GPC5: variants seen among roughly 807,000 people sequenced by gnomAD.
GPC5 encodes the protein glypican 5.
In GPC5, 47 loss-of-function variants were observed where a neutral mutation model predicts 53.9. That is an observed-to-expected ratio of 0.87 (90% confidence interval 0.69 to 1.11). The LOEUF (loss-of-function observed/expected upper bound fraction) is 1.11, where lower values mean the gene tolerates loss of function less well. GPC5 is among the 50% of genes most tolerant of loss of function. The probability of loss-of-function intolerance (pLI) is 0.00; values close to 1 mark genes in which losing one functional copy is unlikely to be tolerated. For missense variants in GPC5, 748 were observed against 713.1 expected, an observed-to-expected ratio of 1.05 and a Z score of -0.56; for synonymous variants, 286 against 263.3, an observed-to-expected ratio of 1.09 and a Z score of -0.84.
At position 91,609,883 on chromosome 13, in the gene GPC5, C is replaced by T. The variant is rs75039696; in HGVS notation, c.326-83304C>T. Among the ~76,000 whole-genome samples the T allele has an allele frequency of 6.8e-3, 1,030 of 152,286 alleles. 8 individuals are homozygous for T. The highest frequency in any genetic ancestry group is 0.024 in the African/African-American group (987 of 41,558). ...CAGGATGTTACATTATCAGTACATT[C>T]GGCCTGAGAATTGCTAAGGAAAGGG... On this transcript the variant is annotated intron_variant, in intron 2 of 7. Coordinates refer to ENST00000377067, the MANE Select transcript of GPC5 (RefSeq NM_004466.6).
At chr13:91,898,911 G>A (rs1161820363) in intron 5 of GPC5, among the ~76,000 whole-genome samples, 1 of 152,118 alleles carries the variant, frequency 6.6e-6, no homozygotes, top group Non-Finnish European at 1.5e-5. Context: ...AAACAGAAGA[G>A]CTGAATTATT....
intron 7 of GPC5, among the ~76,000 whole-genome samples, chr13:92,346,520 C>T (rs1027216180): frequency 2.0e-5 from 3 of 152,128 alleles, no homozygotes; most frequent in Non-Finnish European, 2.9e-5. Context: ...CACCAACTGG[C>T]CTTTCCAGAG....
chr13:92,461,121 A>G (rs1398647877), intron 7 of GPC5, among the ~76,000 whole-genome samples: 1 of 152,214 alleles, frequency 6.6e-6, no homozygotes, highest in African/African-American at 2.4e-5. Flanking sequence ...AATCCTGTAA[A>G]CTTTCTATTT....
chr13:92,507,295 T>TTA lies in GPC5; in HGVS notation c.1562-358986_1562-358985dup, dbSNP rs750535116. Among the ~76,000 whole-genome samples the TTA allele has an allele frequency of 1.8e-3, 267 of 152,336 alleles. 1 individual carries two copies. The highest frequency in any genetic ancestry group is 2.6e-3 in the Non-Finnish European group (179 of 68,034). On this transcript the variant is annotated intron_variant, in intron 7 of 7. Coordinates refer to ENST00000377067, the MANE Select transcript of GPC5 (RefSeq NM_004466.6). ...TCACAAGGAATTTTTTCTCATCTAT[T>TTA]TACATTTTTACTTTTTTCTCTTGCC... is the stretch of plus-strand genomic sequence containing the variant.
At chr13:92,830,973 A>G (rs1878026387) in intron 7 of GPC5, among the ~76,000 whole-genome samples, 1 of 152,178 alleles carries the variant, frequency 6.6e-6, no homozygotes, top group African/African-American at 2.4e-5. Flanking sequence ...GTTTCAAAGT[A>G]GATCTGTTTG....
At chr13:91,555,753 G>A (rs903798088) in intron 2 of GPC5, among the ~76,000 whole-genome samples, 1 of 151,998 alleles carries the variant, frequency 6.6e-6, no homozygotes, top group African/African-American at 2.4e-5. Context: ...AGGCAAAGGA[G>A]GAGCAAAGTC....
chr13:91,449,949 T>C (rs1249835357), intron 2 of GPC5, among the ~76,000 whole-genome samples: 1 of 152,176 alleles, frequency 6.6e-6, no homozygotes, highest in African/African-American at 2.4e-5. Context: ...ATATAACTTC[T>C]GTTAGTATTC....
chr13:91,653,745 G>A (rs944512101), intron 2 of GPC5, among the ~76,000 whole-genome samples: 2 of 152,050 alleles, frequency 1.3e-5, no homozygotes, highest in Admixed American at 6.6e-5. Context: ...TCATAGGCAA[G>A]TTATGATTAA....
intron 2 of GPC5, among the ~76,000 whole-genome samples, chr13:91,491,895 C>T (rs1180195371): frequency 4.6e-5 from 7 of 152,188 alleles, no homozygotes; most frequent in Non-Finnish European, 7.4e-5. Flanking sequence ...AATAAAGTCA[C>T]GCTCACAGGT....
At chr13:91,736,768 A>G (rs2036824415) in intron 4 of GPC5, among the ~76,000 whole-genome samples, 1 of 151,378 alleles carries the variant, frequency 6.6e-6, no homozygotes, top group African/African-American at 2.5e-5. Flanking sequence ...ATTTAGTTGT[A>G]GATCTAATTG....
At chr13:91,805,888 C>T (rs1178295347) in intron 5 of GPC5, among the ~76,000 whole-genome samples, 9 of 152,042 alleles carry the variant, frequency 5.9e-5, no homozygotes, top group Non-Finnish European at 1.3e-4. Context: ...TTTGCAAGCT[C>T]AAGCAAAACA....
chr13:92,746,479 G>A (rs1223346235), intron 7 of GPC5, among the ~76,000 whole-genome samples: 1 of 152,058 alleles, frequency 6.6e-6, no homozygotes, highest in Non-Finnish European at 1.5e-5. Flanking sequence ...TGAGCATGAT[G>A]CATCTTCTCA....
intron 2 of GPC5, among the ~76,000 whole-genome samples, chr13:91,539,977 A>G (rs2029870055): frequency 6.6e-6 from 1 of 152,232 alleles, no homozygotes; most frequent in Admixed American, 6.5e-5. Flanking sequence ...CATGTATTAC[A>G]TGCTCCAAGT....
chr13:92,132,189 T>C (rs2041749802), intron 6 of GPC5, among the ~76,000 whole-genome samples: 1 of 152,152 alleles, frequency 6.6e-6, no homozygotes, highest in Non-Finnish European at 1.5e-5. Context: ...AAGAGTGTTA[T>C]ATTTGGTGGA....
rs372291455 is a variant in GPC5 at position 92,149,039 on chromosome 13, T to C, written c.1561+4050T>C. Among the ~76,000 whole-genome samples the C allele has an allele frequency of 1.3e-4, 20 of 152,160 alleles. No homozygotes were observed. The South Asian group carries it at 4.1e-3, about 32-fold the overall frequency. ...AATACATAATCCATGATCAAATTCA[T>C]TTTGGCAAGCTGGTTCACAGTGGTA... is the stretch of plus-strand genomic sequence containing the variant. On this transcript the variant is annotated intron_variant, in intron 7 of 7. Transcript: ENST00000377067.
At chr13:91,448,492 A>T (rs572092441) in intron 1 of GPC5, among the ~76,000 whole-genome samples, 55 of 152,364 alleles carry the variant, frequency 3.6e-4, no homozygotes, top group Admixed American at 6.5e-4. Context: ...TGTACTTCAT[A>T]GTAGTTAATT....
intron 7 of GPC5, among the ~76,000 whole-genome samples, chr13:92,341,221 A>G (rs1456311636): frequency 6.6e-6 from 1 of 152,122 alleles, no homozygotes; most frequent in Non-Finnish European, 1.5e-5. Flanking sequence ...TCCTAATAAA[A>G]AGGACTTCTA....
chr13:92,783,873 A>G (rs1335481368), intron 7 of GPC5, among the ~76,000 whole-genome samples: 1 of 152,152 alleles, frequency 6.6e-6, no homozygotes, highest in Admixed American at 6.5e-5. Flanking sequence ...GTGTCATACA[A>G]AGAAAATTTT....
chr13:92,006,689 T>C (rs1207369387), intron 6 of GPC5, among the ~76,000 whole-genome samples: 1 of 152,162 alleles, frequency 6.6e-6, no homozygotes. Flanking sequence ...TCAAAGATGC[T>C]TGTATTTCTC....
Sources: gnomAD v4.1 joint callset for allele counts (sites outside exome capture counted in the v4.1 genomes callset) on GRCh38, gnomAD v4.1.1 for gene constraint, MANE v1.5 for transcripts, NCBI Gene and HGNC (gene_info 2026-07-23, HGNC 2026-07-21) for gene names.